BUD13: variants seen among roughly 807,000 people sequenced by gnomAD.
BUD13 encodes the protein BUD13 spliceosome associated protein, also known as BUD13 homolog.
A neutral mutation model predicts 62.5 loss-of-function variants in BUD13; 47 were observed. The observed-to-expected ratio is 0.75, with a 90% CI of 0.60 to 0.96. BUD13 has a LOEUF of 0.96. Among genes scored for constraint, BUD13 ranks in the 40% least tolerant of loss-of-function variants. The pLI, the probability that BUD13 is intolerant of heterozygous loss-of-function variation, is 0.00. For synonymous variants in BUD13, 293 were observed against 280.1 expected (o/e 1.05, Z -0.46); for missense variants, 821 against 790.9 (o/e 1.04, Z -0.46).
At chr11:116,758,858 C>T (rs1333400447) in intron 6 of BUD13, among the ~76,000 whole-genome samples, 4 of 152,016 alleles carry the variant, frequency 2.6e-5, no homozygotes, top group African/African-American at 7.2e-5. Flanking sequence ...TACCAAAGTG[C>T]TGGGATTACA....
chr11:116,759,091 T>C lies in BUD13; in HGVS notation c.1343A>G (p.Glu448Gly), dbSNP rs201570871. The C allele has an allele frequency of 5.6e-5, 91 of 1,613,954 alleles. No individual in the cohort carries two copies. The highest frequency in any genetic ancestry group is 7.5e-5 in the Non-Finnish European group (89 of 1,179,982). The stretch of plus-strand genomic sequence containing the variant: ...ATTTTTACCTTCAAATGCCATGGTT[T>C]CTTGATCCTGTTCCTTGAGCTCCTG... Reference protein sequence around the residue: ...EQQELKEQDQETMAFEAEFQY... With the variant: ...EQQELKEQDQGTMAFEAEFQY... The change falls in exon 6 of 10, where the codon GAA (glutamate) becomes GGA (glycine). Residue 448 changes from glutamate (E) to glycine (G), a missense_variant. By Grantham distance (98) the Glu-to-Gly change is moderately conservative. Coordinates refer to ENST00000260210, the MANE Select transcript of BUD13 (RefSeq NM_032725.4).
chr11:116,753,127 G>A (rs150459712), intron 9 of BUD13, among the ~76,000 whole-genome samples: 147 of 152,288 alleles, frequency 9.7e-4, no homozygotes, highest in African/African-American at 3.4e-3. Context: ...GTATGAACTG[G>A]ATGAAGTCTA....
chr11:116,771,295 T>C (rs1940623305), intron 1 of BUD13, among the ~76,000 whole-genome samples: 1 of 152,250 alleles, frequency 6.6e-6, no homozygotes, highest in South Asian at 2.1e-4. Flanking sequence ...TGTATTCCCA[T>C]TAATCTATAA....
chr11:116,767,421 A>C (rs1940549714), intron 2 of BUD13, among the ~76,000 whole-genome samples: 1 of 150,920 alleles, frequency 6.6e-6, no homozygotes, highest in African/African-American at 2.4e-5. Context: ...GTGAAACTTC[A>C]TCTCTACTAA....
chr11:116,748,378 G>T lies in BUD13; in HGVS notation c.*104C>A. ...AAAACTGGCATTCAACAAGTTGCTG[G>T]TCTGTGTGGGCTCCAATTATTAGCA... is the stretch of plus-strand genomic sequence containing the variant. On this transcript the variant is annotated 3_prime_UTR_variant, in exon 10 of 10. Transcript: ENST00000260210. The T allele has an allele frequency of 2.0e-6, 2 of 991,764 alleles. No individual in the cohort carries two copies. Among genetic ancestry groups the T allele is most frequent in the Non-Finnish European group, 3.1e-6 (2 of 641,924 alleles). The allele number at this position is 991,764 out of a possible 1,614,324, so 61.4% of individuals were successfully genotyped here.
At chr11:116,764,389 G>A (rs1386627299) in intron 3 of BUD13, among the ~76,000 whole-genome samples, 1 of 152,134 alleles carries the variant, frequency 6.6e-6, no homozygotes, top group Non-Finnish European at 1.5e-5. Context: ...TGTCTGTGGG[G>A]GGCCTAACAG....
At chr11:116,763,691 T>C (rs1940479833) in intron 3 of BUD13, among the ~76,000 whole-genome samples, 2 of 152,194 alleles carry the variant, frequency 1.3e-5, no homozygotes, top group African/African-American at 4.8e-5. Context: ...TAAAACCTCA[T>C]TTGTGCAGAG....
chr11:116,748,980 CAAAAA>C (rs58988682), intron 9 of BUD13, among the ~76,000 whole-genome samples: 1 of 87,012 alleles, frequency 1.1e-5, no homozygotes. Flanking sequence ...GACTCTGTCT[CAAAAA>C]AAAAAAAAAA....
At position 116,749,824 on chromosome 11, in the gene BUD13, T is replaced by C. The variant is rs553836799; in HGVS notation, c.1767-1249A>G. On this transcript the variant is annotated intron_variant, in intron 9 of 9. Coordinates refer to ENST00000260210, the MANE Select transcript of BUD13 (RefSeq NM_032725.4). ...CTGCAATGGTCCAGGCAACAGATGA[T>C]GAAGGCAATGATAAAGAGGGACGGA... Among the ~76,000 whole-genome samples, 151 of 152,116 alleles carry C rather than the reference T, an allele frequency of 9.9e-4. 1 individual carries two copies. Among genetic ancestry groups the C allele is most frequent in the African/African-American group, 3.4e-3 (140 of 41,464 alleles).
chr11:116,757,000 T>A, intron 9 of BUD13, 146 bp downstream of exon 9: 1 of 693,400 alleles, frequency 1.4e-6, no homozygotes, highest in Non-Finnish European at 2.5e-6. Context: ...GAAATAGGAT[T>A]TGTGGACCTC....
chr11:116,767,412 T>G (rs920161531), intron 2 of BUD13, among the ~76,000 whole-genome samples: 17 of 150,550 alleles, frequency 1.1e-4, no homozygotes, highest in African/African-American at 3.9e-4. Flanking sequence ...GCTAACACAG[T>G]GAAACTTCAT....
intron 9 of BUD13, among the ~76,000 whole-genome samples, chr11:116,756,387 C>T (rs1340626550): frequency 1.3e-5 from 2 of 151,772 alleles, no homozygotes; most frequent in African/African-American, 2.4e-5. Flanking sequence ...CAGCGGGCGC[C>T]GGTAATCCCA....
intron 1 of BUD13, among the ~76,000 whole-genome samples, chr11:116,772,575 A>G (rs1345088207): frequency 6.6e-6 from 1 of 152,210 alleles, no homozygotes; most frequent in Admixed American, 6.5e-5. Context: ...GCGGGAAAAG[A>G]GTAATCAAAG....
intron 6 of BUD13, 28 bp downstream of exon 6, chr11:116,759,046 A>G (rs752270259): frequency 6.5e-7 from 1 of 1,541,514 alleles, no homozygotes. Context: ...ATGAGCCTAA[A>G]TTGGTCTCTG....
rs28927680 is a variant in BUD13 at position 116,748,357 on chromosome 11, C to G, written c.*125G>C. 57,013 of 771,744 alleles carry G rather than the reference C, an allele frequency of 0.074. 2,683 individuals carry two copies. The highest frequency in any genetic ancestry group is 0.17 in the African/African-American group (9,575 of 57,812). The allele number at this position is 771,744 out of a possible 1,614,324, so 47.8% of individuals were successfully genotyped here. On this transcript the variant is annotated 3_prime_UTR_variant, in exon 10 of 10. Transcript: ENST00000260210. ...CTCGAATATTCTTCTGTGGTCAAAACTGGCATTCAACAAGTTGCTGGTCTG... is the reference window on the plus strand; with the variant it reads ...CTCGAATATTCTTCTGTGGTCAAAAGTGGCATTCAACAAGTTGCTGGTCTG...
Position 116,748,255 on chromosome 11 carries a change from A to G in BUD13, c.*227T>C, listed in dbSNP as rs1591293307. ...ACAAACCCTGGTCAATGAGAAATCAATGCTTCCTCTGAAAGCCAGCAACAG... is the reference window on the plus strand; with the variant it reads ...ACAAACCCTGGTCAATGAGAAATCAGTGCTTCCTCTGAAAGCCAGCAACAG... On this transcript the variant is annotated 3_prime_UTR_variant, in exon 10 of 10. Transcript: ENST00000260210. 1.4e-5 allele frequency: 7 copies of G among 485,100 alleles called. No homozygotes were observed. The highest frequency in any genetic ancestry group is 9.8e-5 in the East Asian group (3 of 30,590). 30.0% of individuals were successfully genotyped at this position (485,100 alleles called of 1,614,324 possible).
In BUD13 at chr11:116,757,836, C is replaced by G. The variant is rs760264944; in HGVS notation, c.1614G>C (p.Gln538His). 8 of 1,614,014 alleles carry G rather than the reference C, an allele frequency of 5.0e-6. No individual in the cohort carries two copies. The African/African-American group carries it at 1.1e-4, about 22-fold the overall frequency. The change falls in exon 8 of 10, where the codon CAG becomes CAC. Residue 538 changes from glutamine to histidine, a missense_variant. By Grantham distance (24) the Gln-to-His change is conservative. Coordinates refer to ENST00000260210, the MANE Select transcript of BUD13 (RefSeq NM_032725.4). ...TGGCCATAGGGTCCCCCTCTCTTTC[C>G]TGTTCTCTTAGCATCCTATCCAGAT... Reference protein sequence around the residue: ...DEDLDRMLREQEREGDPMANF... With the variant: ...DEDLDRMLREHEREGDPMANF...
intron 6 of BUD13, 92 bp downstream of exon 6, chr11:116,758,982 T>C: frequency 1.1e-6 from 1 of 900,906 alleles, no homozygotes. Flanking sequence ...TTGATAGCAA[T>C]TAAAAGTTCA....
chr11:116,749,554 C>T (rs1449886836), intron 9 of BUD13, among the ~76,000 whole-genome samples: 3 of 151,940 alleles, frequency 2.0e-5, no homozygotes, highest in African/African-American at 4.8e-5. Flanking sequence ...AACAAAGGCA[C>T]GGAAATAAGA....
Sources: allele counts gnomAD v4.1 joint callset (sites outside exome capture counted in the v4.1 genomes callset), GRCh38; gene constraint gnomAD v4.1.1; transcripts MANE v1.5; gene names NCBI Gene and HGNC (gene_info 2026-07-23, HGNC 2026-07-21).